Variants in FRA10AC1 observed in about 807,000 individuals in gnomAD.
FRA10AC1 encodes the protein FRA10A associated CGG repeat 1.
A neutral mutation model predicts 56.5 loss-of-function variants in FRA10AC1; 43 were observed. The observed-to-expected ratio is 0.76, with a 90% CI of 0.60 to 0.98. The LOEUF is 0.98. Among genes scored for constraint, FRA10AC1 ranks in the 50% least tolerant of loss-of-function variants. The pLI is 0.00. For synonymous variants in FRA10AC1, 112 were observed against 110.5 expected (o/e 1.01, Z -0.09); for missense variants, 346 against 351.8 (o/e 0.98, Z 0.13).
chr10:93,698,115 C>T (rs2059263017), intron 4 of FRA10AC1, 21 bp downstream of exon 4: 1 of 1,421,370 alleles, frequency 7.0e-7, no homozygotes. Context: ...TTATAAAAAT[C>T]TGGAAATAAA....
intron 4 of FRA10AC1, among the ~76,000 whole-genome samples, chr10:93,696,827 C>T (rs1282893519): frequency 6.6e-6 from 1 of 152,166 alleles, no homozygotes; most frequent in Non-Finnish European, 1.5e-5. Flanking sequence ...AGCTGGAAGC[C>T]ACCATCCTCA....
At chr10:93,696,078 C>T (rs1365282752) in intron 4 of FRA10AC1, among the ~76,000 whole-genome samples, 1 of 152,130 alleles carries the variant, frequency 6.6e-6, no homozygotes, top group Non-Finnish European at 1.5e-5. Flanking sequence ...TGTACTTCTC[C>T]CTATTCCTCA....
At position 93,680,957 on chromosome 10, in the gene FRA10AC1, A is replaced by C. The variant is rs561294306; in HGVS notation, c.787+523T>G. ...GGCTCTGAGAACACAGATATATGAC[A>C]ATCTTTCTCATTTCTAGAAACTCAT... On this transcript the variant is annotated intron_variant, in intron 11 of 13. Coordinates refer to ENST00000359204, the MANE Select transcript of FRA10AC1 (RefSeq NM_145246.5). Among the ~76,000 whole-genome samples the C allele has an allele frequency of 2.2e-4, 34 of 152,314 alleles. 1 individual carries two copies. The highest frequency in any genetic ancestry group is 1.3e-4 in the Admixed American group (2 of 15,296).
chr10:93,698,338 C>T lies in FRA10AC1; in HGVS notation c.136G>A (p.Val46Met), dbSNP rs1002668425. The change falls in exon 3 of 14, where the codon GTG (valine) becomes ATG (methionine). Residue 46 changes from valine (V) to methionine (M), a missense_variant. Physicochemically the swap from Val to Met is conservative, Grantham distance 21 (BLOSUM62 1). Transcript: ENST00000359204. ...KPFQKEKHGK[V>M]AHKQVAAELL... Reference sequence around the variant, plus strand: ...TCTGCTGCAACTTGTTTATGGGCCACCTTTCCATGTTTTTCTTTCTGAAAT... The same window carrying T: ...TCTGCTGCAACTTGTTTATGGGCCATCTTTCCATGTTTTTCTTTCTGAAAT... 1 of 1,611,930 alleles carries T rather than the reference C, an allele frequency of 6.2e-7. No homozygotes were observed.
intron 7 of FRA10AC1, among the ~76,000 whole-genome samples, chr10:93,689,027 T>C (rs1442180737): frequency 6.6e-6 from 1 of 151,374 alleles, no homozygotes; most frequent in Non-Finnish European, 1.5e-5. Context: ...ATATAAAGTG[T>C]TCAATGCCTT....
chr10:93,687,342 C>T, intron 8 of FRA10AC1, 62 bp downstream of exon 8: 2 of 1,264,476 alleles, frequency 1.6e-6, no homozygotes, highest in South Asian at 2.8e-5. Flanking sequence ...TTAATGACTC[C>T]AATTCAGTAA....
chr10:93,697,714 C>T (rs548285546), intron 4 of FRA10AC1, among the ~76,000 whole-genome samples: 6 of 152,150 alleles, frequency 3.9e-5, no homozygotes, highest in African/African-American at 1.4e-4. Flanking sequence ...TTATTTTTTC[C>T]TTAGATCCAG....
At chr10:93,699,921 A>T (rs1164506210) in intron 2 of FRA10AC1, 109 bp downstream of exon 2, 14 of 634,064 alleles carry the variant, frequency 2.2e-5, no homozygotes, top group Non-Finnish European at 3.8e-5. Flanking sequence ...CACTAGAGCA[A>T]TTGTCTTCAC....
At chr10:93,678,761 G>A (rs1458689957) in intron 11 of FRA10AC1, among the ~76,000 whole-genome samples, 2 of 151,696 alleles carry the variant, frequency 1.3e-5, no homozygotes, top group Admixed American at 1.3e-4. Flanking sequence ...ATGGGCCTCC[G>A]AGGTTAAGCC....
intron 11 of FRA10AC1, among the ~76,000 whole-genome samples, chr10:93,677,063 A>C (rs2058854384): frequency 6.6e-6 from 1 of 152,238 alleles, no homozygotes; most frequent in African/African-American, 2.4e-5. Context: ...ACAAATAAAT[A>C]CTTGCTTTTT....
intron 1 of FRA10AC1, among the ~76,000 whole-genome samples, chr10:93,701,753 T>C (rs1343681372): frequency 6.6e-6 from 1 of 152,166 alleles, no homozygotes; most frequent in Non-Finnish European, 1.5e-5. Context: ...CTCTCACTCT[T>C]TGTCCTATGT....
At chr10:93,695,049 A>T in intron 4 of FRA10AC1, 112 bp from the exon 5 acceptor site, 1 of 650,548 alleles carries the variant, frequency 1.5e-6, no homozygotes, top group South Asian at 1.8e-5. Context: ...AGCTTTTTAA[A>T]AATATTCACA....
At chr10:93,694,235 T>C (rs780451119) in intron 5 of FRA10AC1, among the ~76,000 whole-genome samples, 6 of 152,008 alleles carry the variant, frequency 3.9e-5, no homozygotes, top group Non-Finnish European at 5.9e-5. Flanking sequence ...AACATCAAGG[T>C]ATAAAAATTT....
Position 93,670,774 on chromosome 10 carries a change from A to AT in FRA10AC1, c.900dup (p.Ser301IlefsTer7), listed in dbSNP as rs773062554. The AT allele has an allele frequency of 3.1e-6, 5 of 1,601,826 alleles. No homozygotes were observed. The highest frequency in any genetic ancestry group is 4.3e-6 in the Non-Finnish European group (5 of 1,169,514). Reference sequence around the variant, plus strand: ...TCTATTAATATCAGCACTTACTGTGATTTTTCATCTGTCTCTGGTAGTGGA... The same window carrying AT: ...TCTATTAATATCAGCACTTACTGTGATTTTTTCATCTGTCTCTGGTAGTGGA... On this transcript the variant is annotated frameshift_variant, in exon 13 of 14. Transcript: ENST00000359204. LOFTEE classifies it high-confidence loss of function.
intron 8 of FRA10AC1, among the ~76,000 whole-genome samples, chr10:93,686,486 T>C (rs530896281): frequency 8.5e-4 from 129 of 151,916 alleles, no homozygotes; most frequent in African/African-American, 2.8e-3. Flanking sequence ...CTTAAAATTG[T>C]GATAGACATT....
chr10:93,697,511 C>T (rs2059252966), intron 4 of FRA10AC1, among the ~76,000 whole-genome samples: 1 of 152,132 alleles, frequency 6.6e-6, no homozygotes, highest in South Asian at 2.1e-4. Context: ...CTTAAATTCT[C>T]CAATATTCTC....
At chr10:93,673,585 G>A in intron 12 of FRA10AC1, 1 of 354,778 alleles carries the variant, frequency 2.8e-6, no homozygotes. Flanking sequence ...AATGGCAAAT[G>A]TCTCCAATAA....
At chr10:93,684,240 T>C (rs1454750402) in intron 9 of FRA10AC1, 142 bp from the exon 10 acceptor site, 1 of 608,630 alleles carries the variant, frequency 1.6e-6, no homozygotes, top group East Asian at 2.7e-5. Context: ...CAATCTGACC[T>C]TCATCACCTC....
chr10:93,671,089 G>C lies in FRA10AC1; in HGVS notation c.827-241C>G, dbSNP rs143756095. On this transcript the variant is annotated intron_variant, in intron 12 of 13. Coordinates refer to ENST00000359204, the MANE Select transcript of FRA10AC1 (RefSeq NM_145246.5). ...TTAAGTCTCATCGAAACTTCTCTAA[G>C]TTACACTGAGTTAAAGTAGCAATTC... 99 of 386,682 alleles carry C rather than the reference G, an allele frequency of 2.6e-4. No individual in the cohort carries two copies. In the East Asian group the frequency reaches 4.4e-3, roughly 17 times the overall value. 24.0% of individuals were successfully genotyped at this position (386,682 alleles called of 1,614,324 possible).
Sources: gnomAD v4.1 joint callset for allele counts (sites outside exome capture counted in the v4.1 genomes callset) on GRCh38, gnomAD v4.1.1 for gene constraint, MANE v1.5 for transcripts, NCBI Gene and HGNC (gene_info 2026-07-23, HGNC 2026-07-21) for gene names.